DLGAP2: variants seen among roughly 807,000 people sequenced by gnomAD.
DLGAP2 encodes DLG associated protein 2, also known as disks large-associated protein 2.
A neutral mutation model predicts 100.3 loss-of-function variants in DLGAP2; 26 were observed. The observed-to-expected ratio is 0.26, with a 90% CI of 0.19 to 0.36. The LOEUF (loss-of-function observed/expected upper bound fraction) is 0.36, where lower values mean the gene tolerates loss of function less well. Among genes scored for constraint, DLGAP2 ranks in the 10% least tolerant of loss-of-function variants. DLGAP2 has a pLI of 1.00. For synonymous variants in DLGAP2, 886 were observed against 630.1 expected (o/e 1.41, Z -6.08); for missense variants, 1,858 against 1,453.2 (o/e 1.28, Z -4.53).
intron 2 of DLGAP2, among the ~76,000 whole-genome samples, chr8:1,218,826 T>C (rs553942973): frequency 9.2e-5 from 14 of 152,296 alleles, no homozygotes; most frequent in African/African-American, 2.9e-4. Flanking sequence ...TAATTCTCAT[T>C]GTAGAGATCT....
At chr8:981,565 C>G (rs904842084) in intron 2 of DLGAP2, among the ~76,000 whole-genome samples, 9 of 152,168 alleles carry the variant, frequency 5.9e-5, no homozygotes, top group Non-Finnish European at 1.2e-4. Flanking sequence ...GTTCCAGTTT[C>G]TCTGCATCCT....
intron 4 of DLGAP2, among the ~76,000 whole-genome samples, chr8:1,533,986 A>C (rs1042677983): frequency 6.6e-6 from 1 of 152,250 alleles, no homozygotes; most frequent in African/African-American, 2.4e-5. Flanking sequence ...ACATATTTCA[A>C]AATTACATTT....
rs533321485 is a variant in DLGAP2, at chr8:936,748, A to G, written c.73+28782A>G. ...ACTTAGGGTACAGCATGGAGGTGGC[A>G]GGGAGCTGCTGTTTAAGGGAATGCT... On this transcript the variant is annotated intron_variant, in intron 2 of 14. Transcript: ENST00000637795. Among the ~76,000 whole-genome samples the G allele has an allele frequency of 5.9e-5, 9 of 152,244 alleles. No homozygotes were observed. The East Asian group carries it at 9.7e-4, about 16-fold the overall frequency.
rs533008898 is a variant in DLGAP2, at chr8:1,082,871, T to G, written c.73+174905T>G. Among the ~76,000 whole-genome samples the G allele has an allele frequency of 4.6e-5, 7 of 152,268 alleles. No individual in the cohort carries two copies. In the East Asian group the frequency reaches 1.4e-3, roughly 29 times the overall value. On this transcript the variant is annotated intron_variant, in intron 2 of 14. Transcript: ENST00000637795. ...ACCATTTAAAATGAGGATGGGAAAA[T>G]TAAGGTATTATTTCCTAGTTTTATT...
chr8:1,412,807 C>G (rs1472237563), intron 3 of DLGAP2, among the ~76,000 whole-genome samples: 1 of 152,174 alleles, frequency 6.6e-6, no homozygotes, highest in Non-Finnish European at 1.5e-5. Flanking sequence ...TATTCACAGC[C>G]CTCCCCAGCA....
intron 3 of DLGAP2, among the ~76,000 whole-genome samples, chr8:1,448,477 T>A (rs559256466): frequency 6.6e-6 from 1 of 152,238 alleles, no homozygotes. Flanking sequence ...TCTGTTCTTT[T>A]ACATTTGCTG....
intron 4 of DLGAP2, among the ~76,000 whole-genome samples, chr8:1,541,480 C>T (rs553018146): frequency 4.4e-4 from 67 of 152,260 alleles, no homozygotes; most frequent in African/African-American, 1.6e-3. Context: ...GGATGATGTC[C>T]AGAAATTTGT....
chr8:1,667,259 G>T (rs1299287960), intron 8 of DLGAP2, among the ~76,000 whole-genome samples: 1 of 152,232 alleles, frequency 6.6e-6, no homozygotes, highest in Non-Finnish European at 1.5e-5. Context: ...CCTGAGTCCA[G>T]GCCAAGGTGC....
intron 2 of DLGAP2, among the ~76,000 whole-genome samples, chr8:1,064,049 C>T (rs1187424404): frequency 3.3e-5 from 5 of 151,446 alleles, no homozygotes; most frequent in Non-Finnish European, 5.9e-5. Context: ...CAGCCTTTAA[C>T]GGGGTTTGCA....
intron 2 of DLGAP2, among the ~76,000 whole-genome samples, chr8:1,107,909 C>A (rs1804829295): frequency 6.6e-6 from 1 of 152,142 alleles, no homozygotes; most frequent in South Asian, 2.1e-4. Flanking sequence ...CACGAGATGG[C>A]AGACAGACCA....
chr8:1,287,159 C>T (rs569880749), intron 3 of DLGAP2, among the ~76,000 whole-genome samples: 6,125 of 44,160 alleles, frequency 0.14, 421 homozygotes, highest in African/African-American at 0.27. Context: ...TGTGTGTGTG[C>T]GCGCGCGCGC....
At chr8:1,512,154 G>A (rs1020916651) in intron 4 of DLGAP2, among the ~76,000 whole-genome samples, 2 of 152,202 alleles carry the variant, frequency 1.3e-5, no homozygotes, top group African/African-American at 4.8e-5. Flanking sequence ...AAGCCCTGCT[G>A]GGAACAGCTG....
intron 1 of DLGAP2, among the ~76,000 whole-genome samples, chr8:866,654 T>C (rs376845146): frequency 4.8e-4 from 73 of 152,324 alleles, no homozygotes; most frequent in African/African-American, 1.6e-3. Flanking sequence ...CTGCCACCTG[T>C]GACGGCTCCT....
chr8:1,105,187 T>C (rs1381199047), intron 2 of DLGAP2: 1 of 152,234 alleles, frequency 6.6e-6, no homozygotes, highest in African/African-American at 2.4e-5. Flanking sequence ...ATTTACCTTC[T>C]TAACGCCACC....
At chr8:1,652,834 G>C (rs1426949187) in intron 8 of DLGAP2, among the ~76,000 whole-genome samples, 1 of 152,178 alleles carries the variant, frequency 6.6e-6, no homozygotes, top group Non-Finnish European at 1.5e-5. Flanking sequence ...AGCAGTTTCT[G>C]AAAAGCAAAG....
chr8:1,346,454 G>C (rs990721182), intron 3 of DLGAP2, among the ~76,000 whole-genome samples: 7 of 151,604 alleles, frequency 4.6e-5, no homozygotes, highest in Non-Finnish European at 8.8e-5. Context: ...TTGCTCTCAT[G>C]GCAGCTATGT....
At chr8:1,452,046 C>T (rs767075257) in intron 3 of DLGAP2, among the ~76,000 whole-genome samples, 2 of 152,250 alleles carry the variant, frequency 1.3e-5, no homozygotes, top group Admixed American at 6.5e-5. Context: ...AGCACACAAC[C>T]GAGGCATCCG....
intron 2 of DLGAP2, among the ~76,000 whole-genome samples, chr8:1,032,235 T>G (rs199528888): frequency 6.6e-6 from 1 of 151,996 alleles, no homozygotes; most frequent in Non-Finnish European, 1.5e-5. Context: ...AAAGGTGTGT[T>G]CCCCCACCGC....
At chr8:1,365,869 C>G (rs1287702467) in intron 3 of DLGAP2, among the ~76,000 whole-genome samples, 3 of 152,360 alleles carry the variant, frequency 2.0e-5, no homozygotes, top group East Asian at 1.9e-4. Flanking sequence ...TCACCTCTCT[C>G]TAACTCCCCA....
Sources: allele counts gnomAD v4.1 joint callset (sites outside exome capture counted in the v4.1 genomes callset), GRCh38; gene constraint gnomAD v4.1.1; transcripts MANE v1.5; gene names NCBI Gene and HGNC (gene_info 2026-07-23, HGNC 2026-07-21).